ACTN1: variants seen among roughly 807,000 people sequenced by gnomAD.
ACTN1 encodes actinin alpha 1.
In ACTN1, 30 loss-of-function variants were observed where a neutral mutation model predicts 119.6. The ratio of observed to expected loss-of-function variants is 0.25; its 90% CI spans 0.19 to 0.34. The LOEUF is 0.34. Ranked by LOEUF, ACTN1 falls within the 10% of genes least tolerant of loss-of-function variation. The pLI, the probability that ACTN1 is intolerant of heterozygous loss-of-function variation, is 1.00. For synonymous variants in ACTN1, 429 were observed against 472.6 expected, an observed-to-expected ratio of 0.91 and a Z score of 1.20; for missense variants, 764 against 1,223.4, an observed-to-expected ratio of 0.62 and a Z score of 5.60.
At chr14:68,978,600 G>A in intron 1 of ACTN1, 1 of 291,036 alleles carries the variant, frequency 3.4e-6, no homozygotes, top group Non-Finnish European at 6.6e-6. Flanking sequence ...CCCCGAGCCG[G>A]GGTCTCAGCC....
At chr14:68,924,060 T>C (rs1012907828) in intron 2 of ACTN1, among the ~76,000 whole-genome samples, 1 of 152,134 alleles carries the variant, frequency 6.6e-6, no homozygotes, top group South Asian at 2.1e-4. Flanking sequence ...AAGGTATACC[T>C]AGAGTAGTCA....
chr14:68,978,846 CGCCCGGAACCGGTTCAGA>C, intron 1 of ACTN1, 88 bp downstream of exon 1: 1 of 698,822 alleles, frequency 1.4e-6, no homozygotes, highest in East Asian at 3.5e-5. Flanking sequence ...CTCCCGTGCG[CGCCCGGAACCGGTTCAGA>C]GCCCGGAGCC....
intron 1 of ACTN1, among the ~76,000 whole-genome samples, chr14:68,936,428 G>T (rs1049291089): frequency 1.3e-5 from 2 of 152,092 alleles, no homozygotes; most frequent in Admixed American, 6.5e-5. Flanking sequence ...GGGAAGGCAG[G>T]GGGTAGAGAA....
rs1386750691 is a variant in ACTN1, at chr14:68,874,573, ATAGT to A, written c.*282_*285del. On this transcript the variant is annotated 3_prime_UTR_variant, in exon 22 of 22. Coordinates refer to ENST00000394419, the MANE Select transcript of ACTN1 (RefSeq NM_001130004.2). ...AACAAAACAAGACATTTCGGTGCAA[ATAGT>A]TAATCTTTCCTCTTTTTTTCCATTT... 3 of 287,860 alleles carry A rather than the reference ATAGT, an allele frequency of 1.0e-5. No homozygotes were observed. The highest frequency in any genetic ancestry group is 6.5e-5 in the African/African-American group (3 of 46,124). 17.8% of individuals were successfully genotyped at this position (287,860 alleles called of 1,614,324 possible).
chr14:68,910,409 C>T (rs1415713591), intron 4 of ACTN1, among the ~76,000 whole-genome samples: 4 of 152,156 alleles, frequency 2.6e-5, no homozygotes, highest in African/African-American at 9.7e-5. Flanking sequence ...ATCTACACAT[C>T]TAGGGGTCTC....
In ACTN1 at chr14:68,881,729, T is replaced by C. The variant is rs192719588; in HGVS notation, c.1953+729A>G. ...TGATCTGCTAAAGCACCCCACTATC[T>C]ACCCCACACAATTCAGAAAAAAATT... On this transcript the variant is annotated intron_variant, in intron 16 of 21. Transcript: ENST00000394419. Among the ~76,000 whole-genome samples the C allele has an allele frequency of 1.4e-3, 215 of 152,096 alleles. No individual in the cohort carries two copies. The Middle Eastern group carries it at 0.024, about 17-fold the overall frequency.
At chr14:68,895,678 G>A (rs1050363031) in intron 8 of ACTN1, among the ~76,000 whole-genome samples, 1 of 152,178 alleles carries the variant, frequency 6.6e-6, no homozygotes, top group Non-Finnish European at 1.5e-5. Flanking sequence ...AAGCAACTGC[G>A]GCTGTGATTT....
chr14:68,976,956 C>A (rs1269790579), intron 1 of ACTN1, among the ~76,000 whole-genome samples: 1 of 152,214 alleles, frequency 6.6e-6, no homozygotes, highest in East Asian at 1.9e-4. Flanking sequence ...CTATATTCTT[C>A]TCCCCACTGC....
In ACTN1 at chr14:68,920,997, A is replaced by G; in HGVS notation, c.340+9T>C. 1 of 1,613,826 alleles carries G rather than the reference A, an allele frequency of 6.2e-7. No individual in the cohort carries two copies. Among genetic ancestry groups the G allele is most frequent in the Non-Finnish European group, 8.5e-7 (1 of 1,179,804 alleles). ...CAGGCTCCTTGGGGCCACCAGAGGT[A>G]GGCCTTACCTTCGGCTCCGATGGAC... is the stretch of plus-strand genomic sequence containing the variant. On this transcript the variant is annotated intron_variant, in intron 3 of 21. Coordinates refer to ENST00000394419, the MANE Select transcript of ACTN1 (RefSeq NM_001130004.2).
At position 68,884,387 on chromosome 14, in the gene ACTN1, G is replaced by A. The variant is rs951401542; in HGVS notation, c.1495-79C>T. ...CCACTCCTATCAAGATCCTCCTGGTGAGCCCCAGGTCTAGAAGCACTGACT... is the reference window on the plus strand; with the variant it reads ...CCACTCCTATCAAGATCCTCCTGGTAAGCCCCAGGTCTAGAAGCACTGACT... On this transcript the variant is annotated intron_variant, in intron 13 of 21. Transcript: ENST00000394419. The A allele has an allele frequency of 6.0e-6, 9 of 1,507,536 alleles. No individual in the cohort carries two copies. The African/African-American group carries it at 1.1e-4, about 19-fold the overall frequency. The allele number at this position is 1,507,536 out of a possible 1,614,324, so 93.4% of individuals were successfully genotyped here. A position where few individuals can be genotyped will look rare whatever the true frequency, so the allele number is the denominator to read the frequency against.
At chr14:68,900,453 C>A (rs2033237078) in intron 8 of ACTN1, among the ~76,000 whole-genome samples, 1 of 151,716 alleles carries the variant, frequency 6.6e-6, no homozygotes, top group Non-Finnish European at 1.5e-5. Flanking sequence ...TGGCTGCTGG[C>A]TAAATTTGCG....
At chr14:68,911,937 A>C (rs1162911280) in intron 4 of ACTN1, among the ~76,000 whole-genome samples, 1 of 152,172 alleles carries the variant, frequency 6.6e-6, no homozygotes, top group Non-Finnish European at 1.5e-5. Flanking sequence ...CAAAGTGGGG[A>C]GTTTCCCTGA....
chr14:68,878,321 G>A lies in ACTN1; in HGVS notation c.2427+137C>T. ...CTTTCAGGGAGCCATCTTCCCCAAGGACATGGGCCCTGGGGCTCCTCCAGG... is the reference window on the plus strand; with the variant it reads ...CTTTCAGGGAGCCATCTTCCCCAAGAACATGGGCCCTGGGGCTCCTCCAGG... On this transcript the variant is annotated intron_variant, in intron 20 of 21. Coordinates refer to ENST00000394419, the MANE Select transcript of ACTN1 (RefSeq NM_001130004.2). This position sits in a 1 kb window ranked among gnomAD's most constrained non-coding sequence, Gnocchi z 4.4. The A allele has an allele frequency of 1.5e-6, 2 of 1,309,122 alleles. No homozygotes were observed. The highest frequency in any genetic ancestry group is 2.0e-6 in the Non-Finnish European group (2 of 982,686). 81.1% of individuals were successfully genotyped at this position (1,309,122 alleles called of 1,614,324 possible). A position where few individuals can be genotyped will look rare whatever the true frequency, so the allele number is the denominator to read the frequency against.
rs71770347 is a variant in ACTN1 at position 68,874,486 on chromosome 14, G to GA, written c.*372dup. On this transcript the variant is annotated 3_prime_UTR_variant, in exon 22 of 22. Transcript: ENST00000394419. ...AATACAGCAGATGGAACAGATAGAA[G>GA]AAAAAAAAATCAGTAAAAAGGATGG... 4.2e-4 allele frequency: 69 copies of GA among 164,860 alleles called. No homozygotes were observed. The highest frequency in any genetic ancestry group is 2.9e-3 in the Middle Eastern group (1 of 346). The allele number at this position is 164,860 out of a possible 1,614,324, so 10.2% of individuals were successfully genotyped here. A position where few individuals can be genotyped will look rare whatever the true frequency, so the allele number is the denominator to read the frequency against.
intron 6 of ACTN1, among the ~76,000 whole-genome samples, chr14:68,908,636 T>A (rs998122907): frequency 6.6e-6 from 1 of 151,714 alleles, no homozygotes; most frequent in Non-Finnish European, 1.5e-5. Flanking sequence ...GGTCAGAGGG[T>A]CCAGGAGGGA....
Position 68,880,152 on chromosome 14 carries a change from T to G in ACTN1, c.2134-44A>C. 6.3e-7 allele frequency: 1 copy of G among 1,598,624 alleles called. No individual in the cohort carries two copies. ...CCTGTCAGCAAAGGGGTCCCAGGCC[T>G]GGGCTCCTGGCGGCCCCTGCCCATC... On this transcript the variant is annotated intron_variant, in intron 17 of 21. Transcript: ENST00000394419. This position sits in a 1 kb window ranked among gnomAD's most constrained non-coding sequence, Gnocchi z 4.6.
intron 14 of ACTN1, 160 bp from the exon 15 acceptor site, chr14:68,883,215 G>C: frequency 1.3e-6 from 1 of 741,060 alleles, no homozygotes; most frequent in Non-Finnish European, 2.2e-6. Flanking sequence ...ATGGCCACAG[G>C]AAGGTGAAGC....
chr14:68,917,840 C>T (rs902920519), intron 3 of ACTN1, among the ~76,000 whole-genome samples: 5 of 151,554 alleles, frequency 3.3e-5, no homozygotes, highest in South Asian at 4.2e-4. Flanking sequence ...CTGAGGCTGG[C>T]GGATCATTTG....
At chr14:68,881,810 C>A (rs895062731) in intron 16 of ACTN1, among the ~76,000 whole-genome samples, 1 of 152,008 alleles carries the variant, frequency 6.6e-6, no homozygotes, top group Non-Finnish European at 1.5e-5. Flanking sequence ...TTTTCTTTGG[C>A]CAGGCTCATT....
Sources: allele counts gnomAD v4.1 joint callset (sites outside exome capture counted in the v4.1 genomes callset), GRCh38; gene constraint gnomAD v4.1.1; non-coding constraint Gnocchi (gnomAD v3.1); transcripts MANE v1.5; gene names NCBI Gene and HGNC (gene_info 2026-07-23, HGNC 2026-07-21).